The following PRLR variants were observed in gnomAD, a reference collection of about 807,000 sequenced individuals.
PRLR encodes the protein prolactin receptor.
In PRLR, 13 loss-of-function variants were observed where a neutral mutation model predicts 40.2. That is an observed-to-expected ratio of 0.32 (90% confidence interval 0.21 to 0.51). The LOEUF is 0.51. PRLR is among the 20% of genes least tolerant of loss of function. The pLI, the probability that PRLR is intolerant of heterozygous loss-of-function variation, is 0.97. For missense variants in PRLR, 656 were observed against 747.3 expected, an observed-to-expected ratio of 0.88 and a Z score of 1.42; for synonymous variants, 269 against 278.7, an observed-to-expected ratio of 0.97 and a Z score of 0.35.
intron 1 of PRLR, among the ~76,000 whole-genome samples, chr5:35,163,965 T>C (rs1414791688): frequency 6.6e-6 from 1 of 152,230 alleles, no homozygotes; most frequent in Non-Finnish European, 1.5e-5. Flanking sequence ...ACACACTATA[T>C]GACTAGTTGG....
At chr5:35,087,836 G>A (rs1265092668) in intron 3 of PRLR, among the ~76,000 whole-genome samples, 2 of 152,162 alleles carry the variant, frequency 1.3e-5, no homozygotes, top group Non-Finnish European at 2.9e-5. Context: ...GTGGGGCTGG[G>A]AAGCCACCAT....
intron 2 of PRLR, among the ~76,000 whole-genome samples, chr5:35,105,308 G>A (rs890258336): frequency 2.6e-5 from 4 of 152,328 alleles, no homozygotes; most frequent in South Asian, 2.1e-4. Flanking sequence ...AAAAATCAGA[G>A]TGCCTCTTCT....
rs529164886 is a variant in PRLR, at chr5:35,076,457, A to C, written c.374-3713T>G. On this transcript the variant is annotated intron_variant, in intron 5 of 9. Coordinates refer to ENST00000618457, the MANE Select transcript of PRLR (RefSeq NM_000949.7). ...AGAAAGGGTATCAGTGATTGAAGAT[A>C]AAATGAATGAAATGAAGTGAGAAGA... 3.3e-4 allele frequency among the ~76,000 whole-genome samples: 51 copies of C among 152,298 alleles called. No individual in the cohort carries two copies. In the South Asian group the frequency reaches 1.0e-2, roughly 30 times the overall value.
At chr5:35,136,035 T>C (rs1057163381) in intron 1 of PRLR, among the ~76,000 whole-genome samples, 2 of 152,136 alleles carry the variant, frequency 1.3e-5, no homozygotes, top group East Asian at 1.9e-4. Context: ...AGTTATGAAG[T>C]AGAAAAACGG....
Position 35,225,797 on chromosome 5 carries a change from T to G in PRLR, c.-106+4471A>C, listed in dbSNP as rs911731053. Reference sequence around the variant, plus strand: ...CCCGGGTTCAAGAGACTTTCCTGCCTCAGCCTCCCAAGTAGCTGGGATTAC... The same window carrying G: ...CCCGGGTTCAAGAGACTTTCCTGCCGCAGCCTCCCAAGTAGCTGGGATTAC... On this transcript the variant is annotated intron_variant, in intron 1 of 9. Transcript: ENST00000618457. 1.2e-4 allele frequency among the ~76,000 whole-genome samples: 18 copies of G among 152,340 alleles called. No homozygotes were observed. The East Asian group carries it at 3.3e-3, about 28-fold the overall frequency.
chr5:35,085,093 G>A (rs1373686208), intron 4 of PRLR, among the ~76,000 whole-genome samples: 1 of 152,166 alleles, frequency 6.6e-6, no homozygotes, highest in African/African-American at 2.4e-5. Flanking sequence ...TTAAAAAAGG[G>A]TTCAAGAGGA....
chr5:35,174,087 G>GC (rs1775076330), intron 1 of PRLR, among the ~76,000 whole-genome samples: 1 of 137,344 alleles, frequency 7.3e-6, no homozygotes, highest in African/African-American at 2.7e-5. Context: ...TGGGTGTTCG[G>GC]TTTTTTTTTT....
At chr5:35,073,476 C>T (rs1448224682) in intron 5 of PRLR, among the ~76,000 whole-genome samples, 1 of 152,200 alleles carries the variant, frequency 6.6e-6, no homozygotes, top group Non-Finnish European at 1.5e-5. Flanking sequence ...AATACTATCT[C>T]TGCATCGTTT....
At chr5:35,142,525 T>C (rs900711577) in intron 1 of PRLR, among the ~76,000 whole-genome samples, 3 of 152,192 alleles carry the variant, frequency 2.0e-5, no homozygotes, top group Admixed American at 2.0e-4. Context: ...TGATTGCCAG[T>C]GTGAGCAGGA....
chr5:35,102,230 A>C (rs1476240841), intron 2 of PRLR, among the ~76,000 whole-genome samples: 2 of 152,064 alleles, frequency 1.3e-5, no homozygotes, highest in African/African-American at 2.4e-5. Flanking sequence ...TGAACATAAA[A>C]ATTATGGTGT....
chr5:35,218,052 T>A (rs1196742097), intron 1 of PRLR, among the ~76,000 whole-genome samples: 1 of 152,214 alleles, frequency 6.6e-6, no homozygotes, highest in East Asian at 1.9e-4. Flanking sequence ...ATTTAGCTTT[T>A]TGTAGGATTC....
At chr5:35,177,088 T>C (rs2111965129) in intron 1 of PRLR, among the ~76,000 whole-genome samples, 1 of 152,290 alleles carries the variant, frequency 6.6e-6, no homozygotes, top group Middle Eastern at 3.4e-3. Flanking sequence ...GCAAAGACCT[T>C]TGTTCACGTG....
At chr5:35,094,634 C>T (rs1201236759) in intron 2 of PRLR, among the ~76,000 whole-genome samples, 1 of 152,142 alleles carries the variant, frequency 6.6e-6, no homozygotes, top group African/African-American at 2.4e-5. Flanking sequence ...AGTCTCATTT[C>T]TTGCAAACAA....
At chr5:35,177,334 A>G (rs886283775) in intron 1 of PRLR, among the ~76,000 whole-genome samples, 3 of 152,124 alleles carry the variant, frequency 2.0e-5, no homozygotes, top group Non-Finnish European at 4.4e-5. Context: ...ACAGGTGTGG[A>G]GGGGCAACCC....
intron 1 of PRLR, among the ~76,000 whole-genome samples, chr5:35,125,247 T>C (rs926654338): frequency 2.6e-5 from 4 of 152,146 alleles, no homozygotes; most frequent in African/African-American, 9.7e-5. Context: ...TCTGTAGAAA[T>C]TGGCCAACGA....
At chr5:35,229,416 C>T (rs1388797226) in intron 1 of PRLR, among the ~76,000 whole-genome samples, 1 of 152,090 alleles carries the variant, frequency 6.6e-6, no homozygotes, top group African/African-American at 2.4e-5. Context: ...GTGTGGGTTG[C>T]TTCCCCAGGA....
intron 1 of PRLR, among the ~76,000 whole-genome samples, chr5:35,144,070 A>G (rs1027735392): frequency 6.8e-6 from 1 of 146,358 alleles, no homozygotes; most frequent in African/African-American, 2.6e-5. Context: ...TTAAGGCACC[A>G]GTTTTGCATT....
intron 1 of PRLR, among the ~76,000 whole-genome samples, chr5:35,174,689 G>A (rs1179625952): frequency 6.6e-6 from 1 of 152,114 alleles, no homozygotes; most frequent in Non-Finnish European, 1.5e-5. Context: ...TGGGCTCCTT[G>A]CCTCCTGTTG....
chr5:35,164,799 C>T (rs943382296), intron 1 of PRLR, among the ~76,000 whole-genome samples: 4 of 152,044 alleles, frequency 2.6e-5, no homozygotes, highest in Admixed American at 1.3e-4. Context: ...AGAGTTGATG[C>T]CAGGATTAGG....
Sources: gnomAD v4.1 joint callset for allele counts (sites outside exome capture counted in the v4.1 genomes callset) on GRCh38, gnomAD v4.1.1 for gene constraint, MANE v1.5 for transcripts, NCBI Gene and HGNC (gene_info 2026-07-23, HGNC 2026-07-21) for gene names.